Variants in UXS1 observed in about 807,000 individuals in gnomAD.
UXS1 encodes the protein UDP-glucuronic acid decarboxylase 1.
Under a neutral mutation model 62.6 loss-of-function variants are expected in UXS1, and 33 were observed. That is an observed-to-expected ratio of 0.53 (90% CI 0.40 to 0.70). The LOEUF (loss-of-function observed/expected upper bound fraction) is 0.70. Among genes scored for constraint, UXS1 ranks in the 30% least tolerant of loss-of-function variants. The probability of loss-of-function intolerance (pLI) is 0.00; values close to 1 mark genes in which losing one functional copy is unlikely to be tolerated. For synonymous variants in UXS1, 213 were observed against 206.8 expected (o/e 1.03, Z -0.26); for missense variants, 434 against 556.3 (o/e 0.78, Z 2.21).
At chr2:106,163,018 A>G (rs901726714) in intron 4 of UXS1, among the ~76,000 whole-genome samples, 1 of 152,220 alleles carries the variant, frequency 6.6e-6, no homozygotes, top group Admixed American at 6.5e-5. Context: ...TGAAGATTCA[A>G]CTGCTACTCT....
At chr2:106,115,048 C>G (rs1432594100) in intron 9 of UXS1, among the ~76,000 whole-genome samples, 1 of 152,192 alleles carries the variant, frequency 6.6e-6, no homozygotes, top group Non-Finnish European at 1.5e-5. Flanking sequence ...CCACTTGCTG[C>G]TGAATCCTCA....
In UXS1 at chr2:106,165,084, T is replaced by A. The variant is rs1683127961; in HGVS notation, c.123-285A>T. ...GCTACATCCAACACAGGATTTTAAA[T>A]TTGAAGCAGGAAGTGCGTCTGTAGG... On this transcript the variant is annotated intron_variant, in intron 2 of 14. Transcript: ENST00000283148. Among the ~76,000 whole-genome samples the A allele has an allele frequency of 5.3e-5, 8 of 152,258 alleles. No homozygotes were observed. In the South Asian group the frequency reaches 1.2e-3, roughly 24 times the overall value.
chr2:106,138,581 C>A, intron 6 of UXS1: 1 of 985,502 alleles, frequency 1.0e-6, no homozygotes, highest in Non-Finnish European at 1.2e-6. Flanking sequence ...GGGAACAGGG[C>A]TCCACAAAAG....
chr2:106,148,110 C>T lies in UXS1; in HGVS notation c.292-2740G>A, dbSNP rs1198035544. Among the ~76,000 whole-genome samples the T allele has an allele frequency of 2.0e-5, 3 of 152,206 alleles. No homozygotes were observed. The East Asian group carries it at 5.8e-4, about 29-fold the overall frequency. Reference sequence around the variant, plus strand: ...AATCCTCAGAGATCACTAGCTGGGACACACTAAAGCTACAGTCTTTCTAAT... The same window carrying T: ...AATCCTCAGAGATCACTAGCTGGGATACACTAAAGCTACAGTCTTTCTAAT... On this transcript the variant is annotated intron_variant, in intron 5 of 14. Coordinates refer to ENST00000283148, the MANE Select transcript of UXS1 (RefSeq NM_001253875.2).
rs761695464 is a variant in UXS1, at chr2:106,104,826, G to A, written c.891C>T (p.Ser297=). The change falls in exon 11 of 15, where the codon TCC becomes TCT. Residue 297 remains serine (S), a synonymous_variant. Coordinates refer to ENST00000283148, the MANE Select transcript of UXS1 (RefSeq NM_001253875.2). The part of the protein sequence containing the change: ...LQGEPLTVYG[S]GSQTRAFQYV... ...ACTGGAACGCCCTTGTCTGAGACCC[G>A]GATCCGTATACCTGGAAGGAAACCA... 22 of 1,613,748 alleles carry A rather than the reference G, an allele frequency of 1.4e-5. No homozygotes were observed. Among genetic ancestry groups the A allele is most frequent in the Admixed American group, 6.7e-5 (4 of 59,996 alleles).
chr2:106,182,989 C>T (rs1684338883), intron 1 of UXS1, among the ~76,000 whole-genome samples: 1 of 151,908 alleles, frequency 6.6e-6, no homozygotes, highest in African/African-American at 2.4e-5. Context: ...AATTAAATTC[C>T]ACAGAACAGC....
At chr2:106,127,359 C>T (rs1193529626) in intron 7 of UXS1, among the ~76,000 whole-genome samples, 1 of 152,174 alleles carries the variant, frequency 6.6e-6, no homozygotes, top group Non-Finnish European at 1.5e-5. Context: ...TTCCCCCCTA[C>T]CTGAGTTCTT....
At chr2:106,114,121 C>T (rs560926194) in intron 9 of UXS1, among the ~76,000 whole-genome samples, 1 of 152,284 alleles carries the variant, frequency 6.6e-6, no homozygotes, top group East Asian at 1.9e-4. Flanking sequence ...GCTGGAGTGA[C>T]ACGGCCGCCA....
chr2:106,140,912 G>A (rs966529712), intron 6 of UXS1, among the ~76,000 whole-genome samples: 5 of 152,136 alleles, frequency 3.3e-5, no homozygotes, highest in African/African-American at 1.2e-4. Context: ...TTATACAGAC[G>A]GTGGAAAAGT....
At chr2:106,187,783 C>T (rs1456563331) in intron 1 of UXS1, among the ~76,000 whole-genome samples, 1 of 151,406 alleles carries the variant, frequency 6.6e-6, no homozygotes, top group Non-Finnish European at 1.5e-5. Flanking sequence ...CTTTTGTTGC[C>T]CAGGCTGGAG....
At chr2:106,098,900 G>A (rs1233874789) in intron 12 of UXS1, 127 bp from the exon 13 acceptor site, 3 of 770,938 alleles carry the variant, frequency 3.9e-6, no homozygotes, top group African/African-American at 3.5e-5. Flanking sequence ...CTTCAGCAGA[G>A]CTCCGTGTGC....
intron 9 of UXS1, among the ~76,000 whole-genome samples, chr2:106,117,824 T>G (rs959721717): frequency 3.9e-5 from 6 of 152,240 alleles, no homozygotes; most frequent in African/African-American, 1.4e-4. Flanking sequence ...TTCTGCTCCC[T>G]ACCTGTGGAT....
chr2:106,094,033 T>C lies in UXS1; in HGVS notation c.1271A>G (p.His424Arg). 3.7e-6 allele frequency: 6 copies of C among 1,612,194 alleles called. No homozygotes were observed. Among genetic ancestry groups the C allele is most frequent in the Non-Finnish European group, 5.1e-6 (6 of 1,179,476 alleles). ...GTCCTAAAAGTGAGGAGTTCAGCTG[T>C]GGCGAGTCCGTCCTTTCTTTATTCT... ...PARIKKGRTR[H>R]S Residue 424 changes from histidine (H) to arginine (R), a missense_variant, in exon 15 of 15, where the codon CAC becomes CGC. This residue lies in a region of UXS1 where 209 missense variants were observed against 233.3 expected (regional missense o/e 0.90). Transcript: ENST00000283148.
chr2:106,096,939 G>C (rs1430682731), intron 13 of UXS1, 118 bp from the exon 14 acceptor site: 1 of 1,004,404 alleles, frequency 1.0e-6, no homozygotes, highest in Non-Finnish European at 1.5e-6. Context: ...GCAGGCGGTG[G>C]AAATGCAGTT....
At position 106,167,212 on chromosome 2, in the gene UXS1, G is replaced by A. The variant is rs542282448; in HGVS notation, c.95-1129C>T. On this transcript the variant is annotated intron_variant, in intron 1 of 14. Transcript: ENST00000283148. Reference sequence around the variant, plus strand: ...GTTACTGAGCAGGATTCTTTCTACGGAAGCCTTTCCTGAGCATAGGCGGTC... The same window carrying A: ...GTTACTGAGCAGGATTCTTTCTACGAAAGCCTTTCCTGAGCATAGGCGGTC... Among the ~76,000 whole-genome samples the A allele has an allele frequency of 2.6e-5, 4 of 152,292 alleles. No individual in the cohort carries two copies. In the East Asian group the frequency reaches 7.7e-4, roughly 29 times the overall value.
At chr2:106,148,615 T>C (rs1210826606) in intron 5 of UXS1, among the ~76,000 whole-genome samples, 1 of 152,230 alleles carries the variant, frequency 6.6e-6, no homozygotes, top group African/African-American at 2.4e-5. Context: ...ACTGGAATTT[T>C]TTTTTCTGAA....
At chr2:106,136,965 C>CAAAAAAAAAAAAAAAAAA (rs397701050) in intron 6 of UXS1, among the ~76,000 whole-genome samples, 3 of 54,176 alleles carry the variant, frequency 5.5e-5, no homozygotes, top group East Asian at 5.8e-4. Context: ...AGAACACACA[C>CAAAAAAAAAAAAAAAAAA]AAAAAAAAAA....
intron 1 of UXS1, chr2:106,183,407 C>CT (rs1347332360): frequency 6.6e-6 from 1 of 152,154 alleles, no homozygotes; most frequent in Non-Finnish European, 1.5e-5. Flanking sequence ...AATTGTTTTC[C>CT]TTTTCTAGCA....
chr2:106,164,446 A>G (rs1683088240), intron 3 of UXS1, among the ~76,000 whole-genome samples: 2 of 152,162 alleles, frequency 1.3e-5, no homozygotes, highest in South Asian at 4.1e-4. Flanking sequence ...ACTCATCTCT[A>G]TCTCCCAAAG....
Sources: gnomAD v4.1 joint callset for allele counts (sites outside exome capture counted in the v4.1 genomes callset) on GRCh38, gnomAD v4.1.1 for gene constraint, gnomAD v4.1.1 regional missense constraint, MANE v1.5 for transcripts, NCBI Gene and HGNC (gene_info 2026-07-23, HGNC 2026-07-21) for gene names.